Variants in TENM2 observed in about 807,000 individuals in gnomAD.
TENM2 encodes the protein teneurin transmembrane protein 2.
In TENM2, 52 loss-of-function variants were observed where a neutral mutation model predicts 245.2. The ratio of observed to expected loss-of-function variants is 0.21; its 90% CI spans 0.17 to 0.27. The LOEUF (loss-of-function observed/expected upper bound fraction) is 0.27, where lower values mean the gene tolerates loss of function less well. Among genes scored for constraint, TENM2 ranks in the 10% least tolerant of loss-of-function variants. The pLI, the probability that TENM2 is intolerant of heterozygous loss-of-function variation, is 1.00. For synonymous variants in TENM2, 1,363 were observed against 1,438.9 expected, an observed-to-expected ratio of 0.95 and a Z score of 1.19; for missense variants, 3,046 against 3,666.8, an observed-to-expected ratio of 0.83 and a Z score of 4.37.
At chr5:167,867,834 C>T (rs1772459373) in intron 2 of TENM2, among the ~76,000 whole-genome samples, 1 of 152,154 alleles carries the variant, frequency 6.6e-6, no homozygotes, top group African/African-American at 2.4e-5. Flanking sequence ...TCTCTCGCCT[C>T]TGGGGAAAAG....
chr5:167,688,200 C>T (rs763541058), intron 2 of TENM2, among the ~76,000 whole-genome samples: 27 of 152,182 alleles, frequency 1.8e-4, no homozygotes, highest in Non-Finnish European at 3.4e-4. Flanking sequence ...TTCTCTTACC[C>T]CTCTGTCATA....
rs755299086 is a variant in TENM2 at position 168,118,413 on chromosome 5, C to A, written c.1935C>A (p.Cys645Ter). The change falls in exon 10 of 29, where the codon TGC becomes TGA. Residue 645 changes from cysteine to a stop codon, truncating the protein, a stop_gained. Coordinates refer to ENST00000518659, the Ensembl canonical transcript of TENM2. LOFTEE classifies it high-confidence loss of function. ...TGAATCAGTGCATCGATCCTTCCTG[C>A]GGGGGCCACGGCTCCTGCATTGATG... 6.2e-7 allele frequency: 1 copy of A among 1,610,508 alleles called. No individual in the cohort carries two copies. The highest frequency in any genetic ancestry group is 1.1e-5 in the South Asian group (1 of 90,652).
rs144548452 is a variant in TENM2, at chr5:168,257,847, CTG to C, written c.7433-2435_7433-2434del. Among the ~76,000 whole-genome samples, 1,401 of 152,204 alleles carry C rather than the reference CTG, an allele frequency of 9.2e-3. 22 individuals carry two copies. Among genetic ancestry groups the C allele is most frequent in the African/African-American group, 0.032 (1,339 of 41,530 alleles). On this transcript the variant is annotated intron_variant, in intron 27 of 28. Transcript: ENST00000518659. Reference sequence around the variant, plus strand: ...GACAGTCTGGTCTCAACCTCCTGACCTGGTGATCCGCCTGCCTTGGCCTCCCA... The same window carrying C: ...GACAGTCTGGTCTCAACCTCCTGACCGTGATCCGCCTGCCTTGGCCTCCCA...
the TENM2 span, among the ~76,000 whole-genome samples, chr5:167,148,000 C>G: frequency 1.3e-5 from 2 of 152,162 alleles, no homozygotes; most frequent in African/African-American, 2.4e-5. Flanking sequence ...ACTCACCATG[C>G]CTGCCACTTA....
At chr5:167,229,665 T>C in the TENM2 span, among the ~76,000 whole-genome samples, 31 of 152,262 alleles carry the variant, frequency 2.0e-4, no homozygotes, top group African/African-American at 6.7e-4. Context: ...TAGACTGGGC[T>C]CAGCATCCCC....
intron 6 of TENM2, among the ~76,000 whole-genome samples, chr5:168,055,609 A>G (rs1456647179): frequency 6.6e-6 from 1 of 152,144 alleles, no homozygotes; most frequent in Non-Finnish European, 1.5e-5. Context: ...TACTCCACCC[A>G]TTGGCCCTCT....
intron 2 of TENM2, among the ~76,000 whole-genome samples, chr5:167,617,673 T>C (rs2127763149): frequency 6.6e-6 from 1 of 152,284 alleles, no homozygotes; most frequent in East Asian, 1.9e-4. Flanking sequence ...AGTAGAGGCT[T>C]CGTGTTTGAA....
intron 2 of TENM2, among the ~76,000 whole-genome samples, chr5:167,702,558 A>G (rs1468399230): frequency 3.4e-5 from 5 of 145,486 alleles, no homozygotes; most frequent in African/African-American, 1.3e-4. Flanking sequence ...GTGTGTATAT[A>G]TATATATATA....
intron 27 of TENM2, among the ~76,000 whole-genome samples, chr5:168,256,307 C>G (rs558139800): frequency 6.6e-6 from 1 of 152,084 alleles, no homozygotes; most frequent in South Asian, 2.1e-4. Context: ...GTGCTCTCCA[C>G]CCAGGACCTA....
chr5:167,650,736 G>T (rs1582652475), intron 2 of TENM2, among the ~76,000 whole-genome samples: 1 of 152,120 alleles, frequency 6.6e-6, no homozygotes, highest in African/African-American at 2.4e-5. Flanking sequence ...TATACAAGTA[G>T]AACTAAATCA....
chr5:167,544,112 A>C (rs1480029258), intron 2 of TENM2, among the ~76,000 whole-genome samples: 1 of 152,158 alleles, frequency 6.6e-6, no homozygotes, highest in African/African-American at 2.4e-5. Context: ...TCATATCTGA[A>C]ATCAAGAAGT....
At chr5:167,205,877 C>A in the TENM2 span, among the ~76,000 whole-genome samples, 1 of 152,144 alleles carries the variant, frequency 6.6e-6, no homozygotes, top group East Asian at 1.9e-4. Context: ...ACTTAAGTTT[C>A]TATTTCCTTG....
chr5:168,034,058 TATATATGTGTATATATATGTATAC>T (rs1787391694), intron 5 of TENM2, among the ~76,000 whole-genome samples: 2 of 146,256 alleles, frequency 1.4e-5, no homozygotes, highest in African/African-American at 5.0e-5. Flanking sequence ...TGTATATATA[TATATATGTGTATATATATGTATAC>T]ATATATATGT....
chr5:167,142,249 T>G, the TENM2 span, among the ~76,000 whole-genome samples: 1 of 152,204 alleles, frequency 6.6e-6, no homozygotes, highest in Non-Finnish European at 1.5e-5. Context: ...AAGGAAAGAC[T>G]CTGCCAACTT....
At chr5:168,195,594 GTGTGTGTGTGTGTGTGTT>G in intron 15 of TENM2, among the ~76,000 whole-genome samples, 1 of 148,522 alleles carries the variant, frequency 6.7e-6, no homozygotes, top group African/African-American at 2.5e-5. Flanking sequence ...GTGTGTGTGT[GTGTGTGTGTGTGTGTGTT>G]GGGGTGGGGG....
At chr5:167,575,243 T>C (rs1165276734) in intron 2 of TENM2, among the ~76,000 whole-genome samples, 3 of 152,160 alleles carry the variant, frequency 2.0e-5, no homozygotes, top group Admixed American at 6.5e-5. Context: ...AAATTCATTT[T>C]TAAATGTTTT....
chr5:167,949,174 T>C (rs560747453), intron 3 of TENM2, among the ~76,000 whole-genome samples: 1 of 152,288 alleles, frequency 6.6e-6, no homozygotes, highest in South Asian at 2.1e-4. Context: ...TACAGCCAGC[T>C]AAATTACGAG....
At chr5:167,261,500 A>T in the TENM2 span, among the ~76,000 whole-genome samples, 1 of 152,060 alleles carries the variant, frequency 6.6e-6, no homozygotes, top group African/African-American at 2.4e-5. Flanking sequence ...GTCATCATTA[A>T]CATCATCATC....
At chr5:168,178,081 T>C (rs1025322610) in intron 13 of TENM2, among the ~76,000 whole-genome samples, 12 of 152,016 alleles carry the variant, frequency 7.9e-5, no homozygotes, top group African/African-American at 2.7e-4. Flanking sequence ...ACTAATCCTC[T>C]CCACTCTGGG....
Sources: allele counts gnomAD v4.1 joint callset (sites outside exome capture counted in the v4.1 genomes callset), GRCh38; gene constraint gnomAD v4.1.1; transcripts MANE v1.5; gene names NCBI Gene and HGNC (gene_info 2026-07-23, HGNC 2026-07-21).